YWHAE: variants seen among roughly 807,000 people sequenced by gnomAD.
YWHAE encodes tyrosine 3-monooxygenase/tryptophan 5-monooxygenase activation protein epsilon.
A neutral mutation model predicts 30.1 loss-of-function variants in YWHAE; 4 were observed. That is an observed-to-expected ratio of 0.13 (90% CI 0.07 to 0.30). The LOEUF (loss-of-function observed/expected upper bound fraction) is 0.30, where lower values mean the gene tolerates loss of function less well. Among genes scored for constraint, YWHAE ranks in the 10% least tolerant of loss-of-function variants. YWHAE has a pLI of 1.00. For synonymous variants in YWHAE, 118 were observed against 111.8 expected, an observed-to-expected ratio of 1.06 and a Z score of -0.35; for missense variants, 121 against 315.9, an observed-to-expected ratio of 0.38 and a Z score of 4.68.
intron 1 of YWHAE, among the ~76,000 whole-genome samples, chr17:1,380,397 CCCAGA>C (rs1461523906): frequency 1.3e-5 from 2 of 152,118 alleles, no homozygotes; most frequent in East Asian, 3.8e-4. Flanking sequence ...CCGCGCCCAG[CCCAGA>C]CTAGATTTTC....
At chr17:1,381,862 C>T (rs983776493) in intron 1 of YWHAE, among the ~76,000 whole-genome samples, 1 of 139,718 alleles carries the variant, frequency 7.2e-6, no homozygotes, top group African/African-American at 2.7e-5. Flanking sequence ...GCAGTGAGCC[C>T]AGACTGGCCC....
At chr17:1,381,910 C>CAAAAAAAAAAA (rs397754278) in intron 1 of YWHAE, among the ~76,000 whole-genome samples, 4 of 43,914 alleles carry the variant, frequency 9.1e-5, no homozygotes, top group Admixed American at 5.4e-4. Flanking sequence ...GACACTATGT[C>CAAAAAAAAAAA]AAAAAAAAAA....
chr17:1,386,323 C>A (rs558525346), intron 1 of YWHAE, among the ~76,000 whole-genome samples: 1 of 152,136 alleles, frequency 6.6e-6, no homozygotes, highest in Non-Finnish European at 1.5e-5. Context: ...TACCAGACAC[C>A]ATTGGTGCTA....
intron 1 of YWHAE, among the ~76,000 whole-genome samples, chr17:1,381,668 C>A (rs1229604361): frequency 6.6e-6 from 1 of 152,082 alleles, no homozygotes; most frequent in South Asian, 2.1e-4. Flanking sequence ...GTAATCCCAG[C>A]ACTTTGGGAG....
chr17:1,385,249 TAAAGGCATTAAG>T (rs1450027698), intron 1 of YWHAE, among the ~76,000 whole-genome samples: 1 of 151,120 alleles, frequency 6.6e-6, no homozygotes, highest in African/African-American at 2.4e-5. Context: ...AGCAATAAGA[TAAAGGCATTAAG>T]ACCATGTTAA....
chr17:1,390,735 G>A (rs1382195443), intron 1 of YWHAE, among the ~76,000 whole-genome samples: 1 of 152,180 alleles, frequency 6.6e-6, no homozygotes, highest in African/African-American at 2.4e-5. Context: ...AGATATGAAT[G>A]AAGAGTTAAA....
At chr17:1,392,412 A>G (rs1373696202) in intron 1 of YWHAE, among the ~76,000 whole-genome samples, 1 of 152,120 alleles carries the variant, frequency 6.6e-6, no homozygotes, top group Admixed American at 6.6e-5. Context: ...CTGTTAACTG[A>G]CCATTTCAAA....
intron 5 of YWHAE, among the ~76,000 whole-genome samples, chr17:1,349,915 G>A (rs1013128443): frequency 5.3e-5 from 8 of 149,742 alleles, no homozygotes; most frequent in Admixed American, 1.3e-4. Context: ...GCGCCCAGCC[G>A]AATTTCACTA....
intron 5 of YWHAE, among the ~76,000 whole-genome samples, chr17:1,350,450 T>C (rs930426463): frequency 1.3e-5 from 2 of 151,886 alleles, no homozygotes; most frequent in South Asian, 2.1e-4. Context: ...TTGTTTTGTT[T>C]CGTTTCTTTG....
intron 5 of YWHAE, among the ~76,000 whole-genome samples, chr17:1,353,369 C>T (rs529432154): frequency 4.2e-5 from 6 of 144,200 alleles, no homozygotes; most frequent in African/African-American, 8.0e-5. Flanking sequence ...ACCCAGGAGA[C>T]GGAGCTTGCA....
At chr17:1,387,427 A>G (rs1006031888) in intron 1 of YWHAE, among the ~76,000 whole-genome samples, 2 of 152,248 alleles carry the variant, frequency 1.3e-5, no homozygotes, top group African/African-American at 2.4e-5. Context: ...ATCTTTTTAC[A>G]GTTTTTATGG....
At chr17:1,392,013 G>A (rs1291208549) in intron 1 of YWHAE, among the ~76,000 whole-genome samples, 2 of 151,984 alleles carry the variant, frequency 1.3e-5, no homozygotes, top group Non-Finnish European at 2.9e-5. Flanking sequence ...TCGAGTTCAA[G>A]ACCTGGGCAA....
intron 1 of YWHAE, among the ~76,000 whole-genome samples, chr17:1,368,384 G>T (rs571691428): frequency 6.8e-4 from 103 of 150,494 alleles, no homozygotes; most frequent in Non-Finnish European, 1.2e-3. Context: ...CTCAAAAAAA[G>T]GAAAAAAAAA....
At chr17:1,348,828 C>G (rs2072568568) in intron 5 of YWHAE, among the ~76,000 whole-genome samples, 1 of 151,738 alleles carries the variant, frequency 6.6e-6, no homozygotes, top group Admixed American at 6.6e-5. Flanking sequence ...TTGAGACCAT[C>G]CGGGTTAACA....
In YWHAE at chr17:1,345,013, G is replaced by A. The variant is rs2150832985; in HGVS notation, c.*434C>T. On this transcript the variant is annotated 3_prime_UTR_variant, in exon 6 of 6. Transcript: ENST00000264335. The stretch of plus-strand genomic sequence containing the variant: ...CTTGCAAACACTGGTATAAAACACA[G>A]TTTAAACAATTAGAAAAATGAAAAC... 4.2e-6 allele frequency: 1 copy of A among 239,274 alleles called. No individual in the cohort carries two copies. The highest frequency in any genetic ancestry group is 1.2e-3 in the Middle Eastern group (1 of 808). 14.8% of individuals were successfully genotyped at this position (239,274 alleles called of 1,614,324 possible).
chr17:1,397,740 A>T (rs1343210271), intron 1 of YWHAE, among the ~76,000 whole-genome samples: 1 of 152,128 alleles, frequency 6.6e-6, no homozygotes, highest in East Asian at 1.9e-4. Flanking sequence ...CACTCAATAA[A>T]GGAATGGACA....
chr17:1,359,781 C>T, intron 4 of YWHAE, among the ~76,000 whole-genome samples: 1 of 149,890 alleles, frequency 6.7e-6, no homozygotes, highest in Middle Eastern at 3.2e-3. Flanking sequence ...GATTACACAA[C>T]ACTGTCAATG....
chr17:1,395,093 GA>G (rs559792867), intron 1 of YWHAE, among the ~76,000 whole-genome samples: 31 of 145,162 alleles, frequency 2.1e-4, no homozygotes, highest in Admixed American at 2.8e-4. Flanking sequence ...AGTCATCCAT[GA>G]AAAAAAAAAA....
chr17:1,386,079 A>G (rs1718986070), intron 1 of YWHAE, among the ~76,000 whole-genome samples: 1 of 152,218 alleles, frequency 6.6e-6, no homozygotes, highest in Non-Finnish European at 1.5e-5. Context: ...CAAGTACTGG[A>G]TCCTTATCTG....
Sources: gnomAD v4.1 joint callset for allele counts (sites outside exome capture counted in the v4.1 genomes callset) on GRCh38, gnomAD v4.1.1 for gene constraint, MANE v1.5 for transcripts, NCBI Gene and HGNC (gene_info 2026-07-23, HGNC 2026-07-21) for gene names.